The following RARB variants were observed in gnomAD, a reference collection of about 807,000 sequenced individuals.
RARB encodes retinoic acid receptor beta, also known as HBV-activated protein.
In RARB, 17 loss-of-function variants were observed where a neutral mutation model predicts 51.9. That is an observed-to-expected ratio of 0.33 (90% CI 0.22 to 0.49). The LOEUF (loss-of-function observed/expected upper bound fraction) is 0.49, where lower values mean the gene tolerates loss of function less well. Among genes scored for constraint, RARB ranks in the 20% least tolerant of loss-of-function variants. The pLI is 0.99. For missense variants in RARB, 369 were observed against 550.8 expected (o/e 0.67, Z 3.30); for synonymous variants, 215 against 195.4 (o/e 1.10, Z -0.84).
intron 3 of RARB, among the ~76,000 whole-genome samples, chr3:25,123,525 T>G (rs112947524): frequency 0.015 from 2,297 of 152,310 alleles, 58 homozygotes; most frequent in African/African-American, 0.051. Context: ...CAAAGCCACT[T>G]GAAATATTCC....
At chr3:25,203,452 G>T (rs1444346380) in intron 5 of RARB, among the ~76,000 whole-genome samples, 3 of 152,152 alleles carry the variant, frequency 2.0e-5, no homozygotes, top group Non-Finnish European at 2.9e-5. Flanking sequence ...ATATTGTTAT[G>T]TGTGAATTTG....
chr3:25,583,989 G>A (rs761791887), intron 5 of RARB, among the ~76,000 whole-genome samples: 7 of 152,168 alleles, frequency 4.6e-5, no homozygotes, highest in South Asian at 2.1e-4. Flanking sequence ...TTTCCTTCTC[G>A]TTCAATCTCC....
intron 5 of RARB, among the ~76,000 whole-genome samples, chr3:25,186,173 C>T (rs1475483307): frequency 6.6e-6 from 1 of 151,932 alleles, no homozygotes; most frequent in Non-Finnish European, 1.5e-5. Flanking sequence ...GATTTTATTT[C>T]ACTAAAAAGA....
At chr3:25,588,913 C>G (rs998863862) in intron 5 of RARB, among the ~76,000 whole-genome samples, 2 of 152,112 alleles carry the variant, frequency 1.3e-5, no homozygotes, top group Non-Finnish European at 1.5e-5. Context: ...TTTCAGAAGT[C>G]ACACACCATC....
chr3:25,087,975 T>C (rs1392464430), intron 3 of RARB, among the ~76,000 whole-genome samples: 1 of 151,890 alleles, frequency 6.6e-6, no homozygotes, highest in Non-Finnish European at 1.5e-5. Flanking sequence ...CTCCTAAGTA[T>C]AGGAACAAAA....
chr3:25,078,838 G>T (rs1698930740), intron 3 of RARB, among the ~76,000 whole-genome samples: 1 of 152,036 alleles, frequency 6.6e-6, no homozygotes, highest in Non-Finnish European at 1.5e-5. Flanking sequence ...GCTGAACTTT[G>T]TATTTCTATT....
At chr3:25,494,253 G>GCGCACACACACA (rs1553623183) in intron 2 of RARB, among the ~76,000 whole-genome samples, 5 of 131,852 alleles carry the variant, frequency 3.8e-5, no homozygotes, top group Admixed American at 2.2e-4. Context: ...TGTATCTTAC[G>GCGCACACACACA]CACACACACA....
chr3:25,207,822 T>G (rs1408982463), intron 5 of RARB, among the ~76,000 whole-genome samples: 1 of 152,198 alleles, frequency 6.6e-6, no homozygotes, highest in Non-Finnish European at 1.5e-5. Context: ...CTTGAGTTGC[T>G]ACAAAGGAAC....
At chr3:24,943,618 G>T (rs1695715467) in intron 2 of RARB, among the ~76,000 whole-genome samples, 1 of 152,154 alleles carries the variant, frequency 6.6e-6, no homozygotes. Flanking sequence ...TTGAGCAGAT[G>T]TTAACAGGTC....
At chr3:24,841,270 G>C (rs1249844333) in intron 1 of RARB, among the ~76,000 whole-genome samples, 1 of 152,124 alleles carries the variant, frequency 6.6e-6, no homozygotes, top group African/African-American at 2.4e-5. Flanking sequence ...AACCTAACTA[G>C]GAGAAAGGAG....
At chr3:25,192,189 T>C (rs1701120103) in intron 5 of RARB, among the ~76,000 whole-genome samples, 3 of 152,136 alleles carry the variant, frequency 2.0e-5, no homozygotes, top group Admixed American at 2.0e-4. Flanking sequence ...TATGATTCTC[T>C]AAGTACAACT....
At chr3:25,550,027 A>G (rs966334012) in intron 3 of RARB, among the ~76,000 whole-genome samples, 1 of 152,198 alleles carries the variant, frequency 6.6e-6, no homozygotes, top group African/African-American at 2.4e-5. Context: ...TATTCAGGAT[A>G]TGAGTTCAAA....
At chr3:25,316,830 T>C (rs1458654993) in intron 5 of RARB, among the ~76,000 whole-genome samples, 1 of 152,222 alleles carries the variant, frequency 6.6e-6, no homozygotes, top group Non-Finnish European at 1.5e-5. Context: ...AACCGATGAC[T>C]ATAAAGGACA....
At chr3:25,529,560 C>T (rs17016658) in intron 3 of RARB, among the ~76,000 whole-genome samples, 4,253 of 151,936 alleles carry the variant, frequency 0.028, 176 homozygotes, top group African/African-American at 0.096. Context: ...ATGAAATGGA[C>T]GATGGAGTTA....
At chr3:25,090,567 T>C (rs554981435) in intron 3 of RARB, among the ~76,000 whole-genome samples, 49 of 152,264 alleles carry the variant, frequency 3.2e-4, no homozygotes, top group Middle Eastern at 3.4e-3. Flanking sequence ...TGTCTGATGC[T>C]GTCATATAAT....
At chr3:25,324,660 T>A in intron 5 of RARB, 1 of 167,254 alleles carries the variant, frequency 6.0e-6, no homozygotes. Flanking sequence ...AAACCCTTTG[T>A]GAGCCCCCTT....
intron 1 of RARB, among the ~76,000 whole-genome samples, chr3:25,450,579 T>G (rs757459614): frequency 1.3e-5 from 2 of 152,174 alleles, no homozygotes; most frequent in South Asian, 4.1e-4. Flanking sequence ...ATCCTCAGCC[T>G]AGATCAGTGT....
chr3:24,975,277 A>G (rs190058912), intron 2 of RARB, among the ~76,000 whole-genome samples: 25 of 152,198 alleles, frequency 1.6e-4, no homozygotes, highest in Non-Finnish European at 2.9e-4. Context: ...GATAGTTGCT[A>G]TTATTACTGT....
chr3:25,039,417 T>A (rs545724139), intron 2 of RARB, among the ~76,000 whole-genome samples: 1 of 152,302 alleles, frequency 6.6e-6, no homozygotes, highest in Non-Finnish European at 1.5e-5. Context: ...AGTTTACGGT[T>A]CAAATGATGT....
Sources: gnomAD v4.1 joint callset for allele counts (sites outside exome capture counted in the v4.1 genomes callset) on GRCh38, gnomAD v4.1.1 for gene constraint, MANE v1.5 for transcripts, NCBI Gene and HGNC (gene_info 2026-07-23, HGNC 2026-07-21) for gene names.